Variants in EYS observed in about 807,000 individuals in gnomAD.
EYS encodes protein eyes shut homolog.
EYS carries 250 observed loss-of-function variants against 282.1 expected under a neutral mutation model. That is an observed-to-expected ratio of 0.89 (90% CI 0.80 to 0.98). EYS has a LOEUF of 0.98. Among genes scored for constraint, EYS ranks in the 50% least tolerant of loss-of-function variants. The pLI, the probability that EYS is intolerant of heterozygous loss-of-function variation, is 0.00. For missense variants in EYS, 4,016 were observed against 3,709.0 expected, an observed-to-expected ratio of 1.08 and a Z score of -2.15; for synonymous variants, 1,355 against 1,282.9, an observed-to-expected ratio of 1.06 and a Z score of -1.20.
intron 8 of EYS, among the ~76,000 whole-genome samples, chr6:65,373,882 C>A (rs935997226): frequency 2.6e-5 from 4 of 152,026 alleles, no homozygotes; most frequent in Non-Finnish European, 4.4e-5. Flanking sequence ...CAGGCACATA[C>A]TGCTGAACTG....
At chr6:63,880,446 C>G (rs1288395598) in intron 35 of EYS, among the ~76,000 whole-genome samples, 1 of 150,772 alleles carries the variant, frequency 6.6e-6, no homozygotes, top group Non-Finnish European at 1.5e-5. Context: ...AACAAACTTC[C>G]CATTATATCT....
At chr6:65,396,155 A>G (rs1452941149) in intron 7 of EYS, among the ~76,000 whole-genome samples, 1 of 152,118 alleles carries the variant, frequency 6.6e-6, no homozygotes, top group African/African-American at 2.4e-5. Flanking sequence ...TGCAAAGTTT[A>G]TTTATTTGCA....
chr6:65,554,585 G>C (rs1360940175), intron 2 of EYS, among the ~76,000 whole-genome samples: 1 of 152,086 alleles, frequency 6.6e-6, no homozygotes, highest in Non-Finnish European at 1.5e-5. Context: ...GCCTTCTACA[G>C]TAATTACTAT....
chr6:65,382,805 T>C (rs1445523855), intron 8 of EYS, among the ~76,000 whole-genome samples: 1 of 151,988 alleles, frequency 6.6e-6, no homozygotes, highest in African/African-American at 2.4e-5. Flanking sequence ...ATTTTGGCTG[T>C]GCTGGCAGAT....
intron 24 of EYS, among the ~76,000 whole-genome samples, chr6:64,611,496 A>G (rs9353962): frequency 0.59 from 90,050 of 151,912 alleles, 26,841 homozygotes; most frequent in South Asian, 0.68. Context: ...TTTGTACCCA[A>G]TGCTGACTTC....
chr6:64,975,246 T>G (rs114843581), intron 14 of EYS, among the ~76,000 whole-genome samples: 1 of 151,798 alleles, frequency 6.6e-6, no homozygotes, highest in East Asian at 1.9e-4. Flanking sequence ...ATTTTGTTTT[T>G]GACAACACCC....
At chr6:64,238,477 A>T (rs1766685069) in intron 30 of EYS, among the ~76,000 whole-genome samples, 1 of 152,068 alleles carries the variant, frequency 6.6e-6, no homozygotes, top group Non-Finnish European at 1.5e-5. Context: ...TGGGATTTTA[A>T]TGTACCCCTC....
rs1009135966 is a variant in EYS at position 63,923,218 on chromosome 6, A to G, written c.7056-58860T>C. On this transcript the variant is annotated intron_variant, in intron 35 of 42. Coordinates refer to ENST00000503581, the MANE Select transcript of EYS (RefSeq NM_001142800.2). Reference sequence around the variant, plus strand: ...TTAATTTCATTCCCCTAGAATAGAAAATAAAATACTATACTTTTAAAATTA... The same window carrying G: ...TTAATTTCATTCCCCTAGAATAGAAGATAAAATACTATACTTTTAAAATTA... 5.3e-5 allele frequency among the ~76,000 whole-genome samples: 8 copies of G among 152,220 alleles called. No homozygotes were observed. The East Asian group carries it at 1.2e-3, about 22-fold the overall frequency.
intron 30 of EYS, among the ~76,000 whole-genome samples, chr6:64,274,236 T>C (rs960553115): frequency 5.9e-5 from 9 of 152,188 alleles, no homozygotes; most frequent in African/African-American, 2.2e-4. Context: ...AGTGCAGTAG[T>C]GTGATCTCAG....
intron 23 of EYS, among the ~76,000 whole-genome samples, chr6:64,620,907 C>A (rs1487184541): frequency 6.6e-6 from 1 of 151,890 alleles, no homozygotes; most frequent in Non-Finnish European, 1.5e-5. Context: ...ATGTCTGACA[C>A]ATAATATAAA....
intron 13 of EYS, among the ~76,000 whole-genome samples, chr6:65,014,177 C>A (rs1771972282): frequency 6.6e-6 from 1 of 152,092 alleles, no homozygotes; most frequent in Non-Finnish European, 1.5e-5. Flanking sequence ...AAAGAAAGAC[C>A]AGAGTTCTAA....
intron 14 of EYS, among the ~76,000 whole-genome samples, chr6:64,964,079 C>A (rs1171675141): frequency 3.3e-5 from 5 of 151,884 alleles, no homozygotes; most frequent in Non-Finnish European, 7.4e-5. Flanking sequence ...ACAAATTTTA[C>A]CTTTTATGAT....
intron 36 of EYS, among the ~76,000 whole-genome samples, chr6:63,828,174 T>C (rs912651700): frequency 2.6e-4 from 40 of 151,512 alleles, no homozygotes; most frequent in African/African-American, 9.7e-4. Context: ...CTCAAGGAAA[T>C]AGAGAAACAA....
intron 24 of EYS, among the ~76,000 whole-genome samples, chr6:64,599,201 A>G (rs1220953184): frequency 6.6e-6 from 1 of 152,218 alleles, no homozygotes; most frequent in Non-Finnish European, 1.5e-5. Flanking sequence ...TTGATATCAT[A>G]AAAAGCTTAC....
intron 26 of EYS, among the ~76,000 whole-genome samples, chr6:64,545,976 C>T (rs781015682): frequency 6.6e-6 from 1 of 152,256 alleles, no homozygotes; most frequent in East Asian, 1.9e-4. Flanking sequence ...AATGCCATCC[C>T]CATCAAGTTA....
chr6:65,017,797 T>C (rs1393601263), intron 13 of EYS, among the ~76,000 whole-genome samples: 1 of 152,222 alleles, frequency 6.6e-6, no homozygotes, highest in Admixed American at 6.5e-5. Flanking sequence ...ATTAAAGCTT[T>C]AGCTTTATTT....
At chr6:65,003,710 G>A (rs568857994) in intron 13 of EYS, among the ~76,000 whole-genome samples, 4 of 146,920 alleles carry the variant, frequency 2.7e-5, no homozygotes, top group African/African-American at 4.9e-5. Context: ...TTCTCAAGCC[G>A]GCCGGCACTT....
At position 64,591,732 on chromosome 6, in the gene EYS, T is replaced by C. The variant is rs188331593; in HGVS notation, c.4135A>G (p.Thr1379Ala). ...SHMPIRTSAA[T>A]LGFFFPDRRA... ...CTATCAGGAAAAAAGAAACCTAGTG[T>C]GGCTGCTGAAGTTCGAATAGGCATA... The change falls in exon 26 of 43, where the codon ACA (threonine) becomes GCA (alanine). Residue 1379 changes from threonine to alanine, a missense_variant. By Grantham distance (58) the Thr-to-Ala change is moderately conservative (BLOSUM62 0). Transcript: ENST00000503581. 3 of 1,551,402 alleles carry C rather than the reference T, an allele frequency of 1.9e-6. No homozygotes were observed. Among genetic ancestry groups the C allele is most frequent in the African/African-American group, 2.7e-5 (2 of 73,144 alleles).
intron 26 of EYS, among the ~76,000 whole-genome samples, chr6:64,540,054 G>A (rs1282233924): frequency 6.6e-6 from 1 of 152,184 alleles, no homozygotes; most frequent in Non-Finnish European, 1.5e-5. Context: ...CAAAGAGCCT[G>A]TCTTTTCAGC....
Sources: gnomAD v4.1 joint callset for allele counts (sites outside exome capture counted in the v4.1 genomes callset) on GRCh38, gnomAD v4.1.1 for gene constraint, MANE v1.5 for transcripts, NCBI Gene and HGNC (gene_info 2026-07-23, HGNC 2026-07-21) for gene names.